ZDHHC17: variants seen among roughly 807,000 people sequenced by gnomAD.
ZDHHC17 encodes the protein zDHHC palmitoyltransferase 17, also known as palmitoyltransferase ZDHHC17.
Under a neutral mutation model 90.3 loss-of-function variants are expected in ZDHHC17, and 40 were observed. The observed-to-expected ratio is 0.44, with a 90% CI of 0.34 to 0.58. The LOEUF (loss-of-function observed/expected upper bound fraction) is 0.58, where lower values mean the gene tolerates loss of function less well. Ranked by LOEUF, ZDHHC17 falls within the 20% of genes least tolerant of loss-of-function variation. The pLI, the probability that ZDHHC17 is intolerant of heterozygous loss-of-function variation, is 0.01. For missense variants in ZDHHC17, 614 were observed against 780.8 expected, an observed-to-expected ratio of 0.79 and a Z score of 2.55; for synonymous variants, 235 against 252.4, an observed-to-expected ratio of 0.93 and a Z score of 0.65.
chr12:76,787,669 G>A (rs1052715158), intron 1 of ZDHHC17, among the ~76,000 whole-genome samples: 1 of 151,948 alleles, frequency 6.6e-6, no homozygotes, highest in African/African-American at 2.4e-5. Context: ...GCGCGCGCAG[G>A]AGAGTTGATG....
chr12:76,777,831 G>T (rs554280258), intron 1 of ZDHHC17, among the ~76,000 whole-genome samples: 3 of 152,322 alleles, frequency 2.0e-5, no homozygotes, highest in Non-Finnish European at 4.4e-5. Flanking sequence ...AGGTTTGTGC[G>T]TGTGTGTCAG....
At chr12:76,838,767 T>C (rs906527145) in intron 10 of ZDHHC17, among the ~76,000 whole-genome samples, 29 of 152,216 alleles carry the variant, frequency 1.9e-4, no homozygotes, top group Non-Finnish European at 1.5e-4. Flanking sequence ...CAGGGACTTA[T>C]GTTCCTGAAG....
chr12:76,788,697 T>A (rs1296078410), intron 1 of ZDHHC17, among the ~76,000 whole-genome samples: 6 of 129,840 alleles, frequency 4.6e-5, no homozygotes, highest in African/African-American at 1.2e-4. Flanking sequence ...AATTTTTTTT[T>A]TTTTTTTTTT....
intron 7 of ZDHHC17, among the ~76,000 whole-genome samples, chr12:76,818,805 A>G (rs1290199629): frequency 2.6e-5 from 4 of 152,344 alleles, no homozygotes; most frequent in African/African-American, 9.6e-5. Flanking sequence ...CTTTAATTGT[A>G]TTCTCAGTCA....
In ZDHHC17 at chr12:76,852,981, A is replaced by C. The variant is rs1351701831; in HGVS notation, c.*1996A>C. ...TTGTATTTTGAGCCACTTCACATGA[A>C]GACTCAGTTGCATTTTTATCGAATA... On this transcript the variant is annotated 3_prime_UTR_variant, in exon 17 of 17. Coordinates refer to ENST00000426126, the MANE Select transcript of ZDHHC17 (RefSeq NM_015336.4). The C allele has an allele frequency of 6.6e-6, 1 of 152,538 alleles. No individual in the cohort carries two copies. Among genetic ancestry groups the C allele is most frequent in the Non-Finnish European group, 1.5e-5 (1 of 68,032 alleles). The allele number at this position is 152,538 out of a possible 1,614,324, so 9.4% of individuals were successfully genotyped here.
At chr12:76,838,585 G>A (rs375940678) in intron 10 of ZDHHC17, among the ~76,000 whole-genome samples, 6 of 152,140 alleles carry the variant, frequency 3.9e-5, no homozygotes, top group African/African-American at 1.4e-4. Flanking sequence ...GGGTTTAGCT[G>A]TCTTAAGATC....
At chr12:76,805,562 G>T in intron 3 of ZDHHC17, 123 bp downstream of exon 3, 1 of 908,062 alleles carries the variant, frequency 1.1e-6, no homozygotes, top group East Asian at 2.9e-5. Flanking sequence ...GATAGATTCT[G>T]TGTACCTTGT....
intron 1 of ZDHHC17, among the ~76,000 whole-genome samples, chr12:76,772,708 TA>T (rs1346622718): frequency 6.9e-6 from 1 of 145,024 alleles, no homozygotes; most frequent in Non-Finnish European, 1.5e-5. Context: ...CTAACTTTTG[TA>T]TTTTTTTTTT....
intron 14 of ZDHHC17, among the ~76,000 whole-genome samples, chr12:76,847,995 T>C (rs1178157041): frequency 2.0e-5 from 3 of 152,220 alleles, no homozygotes; most frequent in African/African-American, 7.2e-5. Context: ...CAAATAAAAT[T>C]GTTAATTCTG....
Position 76,845,745 on chromosome 12 carries a change from T to C in ZDHHC17, c.1366T>C (p.Cys456Arg). Residue 456 changes from cysteine to arginine, a missense_variant, in exon 13 of 17, where the codon TGC becomes CGC. This residue lies in a region of ZDHHC17 where 117 missense variants were observed against 183.6 expected (regional missense o/e 0.64). Transcript: ENST00000426126. ...GGTGAGGTCCAAACATTGTGGTGTGTGCAACCGCTGTATAGCAAAATTTGA... is the reference window on the plus strand; with the variant it reads ...GGTGAGGTCCAAACATTGTGGTGTGCGCAACCGCTGTATAGCAAAATTTGA... ...KPVRSKHCGV[C>R]NRCIAKFDHH... 3 of 1,612,318 alleles carry C rather than the reference T, an allele frequency of 1.9e-6. No individual in the cohort carries two copies.
chr12:76,826,575 C>T (rs1592490433), intron 8 of ZDHHC17, among the ~76,000 whole-genome samples: 1 of 152,060 alleles, frequency 6.6e-6, no homozygotes, highest in African/African-American at 2.4e-5. Context: ...TTATCAGTGC[C>T]CCTGTTAAAA....
intron 1 of ZDHHC17, among the ~76,000 whole-genome samples, chr12:76,775,428 GGCTAACCTTGA>G (rs1952547935): frequency 6.6e-6 from 1 of 152,006 alleles, no homozygotes; most frequent in South Asian, 2.1e-4. Flanking sequence ...ATTCCAAAGA[GGCTAACCTTGA>G]GCATGAACAA....
intron 2 of ZDHHC17, among the ~76,000 whole-genome samples, chr12:76,798,432 C>T (rs1952848910): frequency 6.6e-6 from 1 of 151,786 alleles, no homozygotes; most frequent in Non-Finnish European, 1.5e-5. Context: ...TGAAATTGGA[C>T]AGATGTGGAA....
At chr12:76,794,849 A>T (rs1952800990) in intron 1 of ZDHHC17, among the ~76,000 whole-genome samples, 1 of 152,176 alleles carries the variant, frequency 6.6e-6, no homozygotes, top group Non-Finnish European at 1.5e-5. Context: ...CCTCAGAAAG[A>T]GACTTATTTT....
At chr12:76,849,542 T>TATCAC in intron 16 of ZDHHC17, 72 bp downstream of exon 16, 1 of 885,750 alleles carries the variant, frequency 1.1e-6, no homozygotes, top group Non-Finnish European at 1.7e-6. Flanking sequence ...ACTCTTTTAC[T>TATCAC]TAGTGATATG....
chr12:76,775,621 G>A (rs1357609612), intron 1 of ZDHHC17, among the ~76,000 whole-genome samples: 2 of 152,132 alleles, frequency 1.3e-5, no homozygotes, highest in African/African-American at 4.8e-5. Flanking sequence ...TCAGTTGGCA[G>A]TATTTTCTTT....
intron 1 of ZDHHC17, among the ~76,000 whole-genome samples, chr12:76,780,237 A>G (rs1952606584): frequency 6.6e-6 from 1 of 152,182 alleles, no homozygotes. Flanking sequence ...AGTTTTTACC[A>G]TATTAAAATT....
At chr12:76,805,916 C>T (rs904721226) in intron 3 of ZDHHC17, among the ~76,000 whole-genome samples, 4 of 152,138 alleles carry the variant, frequency 2.6e-5, no homozygotes. Flanking sequence ...CTGTTCACAC[C>T]AGCATAAGTG....
At chr12:76,848,086 T>A (rs894390858) in intron 14 of ZDHHC17, 147 bp from the exon 15 acceptor site, 11 of 716,522 alleles carry the variant, frequency 1.5e-5, no homozygotes, top group Non-Finnish European at 2.2e-5. Context: ...TAGGGTTATT[T>A]AAGAGTATAA....
Sources: allele counts gnomAD v4.1 joint callset (sites outside exome capture counted in the v4.1 genomes callset), GRCh38; gene constraint gnomAD v4.1.1; regional missense constraint gnomAD v4.1.1; transcripts MANE v1.5; gene names NCBI Gene and HGNC (gene_info 2026-07-23, HGNC 2026-07-21).